ZNF521: variants seen among roughly 807,000 people sequenced by gnomAD.
The protein encoded by ZNF521 is LYST-interacting protein 3.
In ZNF521, 14 loss-of-function variants were observed where a neutral mutation model predicts 105.5. The ratio of observed to expected loss-of-function variants is 0.13; its 90% CI spans 0.09 to 0.21. ZNF521 has a LOEUF of 0.21. ZNF521 is among the 10% of genes least tolerant of loss of function. The pLI, the probability that ZNF521 is intolerant of heterozygous loss-of-function variation, is 1.00. For missense variants in ZNF521, 1,233 were observed against 1,629.7 expected (o/e 0.76, Z 4.19); for synonymous variants, 635 against 606.0 (o/e 1.05, Z -0.70).
intron 3 of ZNF521, among the ~76,000 whole-genome samples, chr18:25,260,607 C>T (rs1191676830): frequency 1.3e-5 from 2 of 152,174 alleles, no homozygotes; most frequent in East Asian, 3.9e-4. Context: ...ATTACTATTG[C>T]TAGTAATAGT....
rs537380585 is a variant in ZNF521, at chr18:25,204,126, C to T, written c.3574-8882G>A. On this transcript the variant is annotated intron_variant, in intron 4 of 7. Coordinates refer to ENST00000361524, the MANE Select transcript of ZNF521 (RefSeq NM_015461.3). ...TGGAGCAGGTGGTAGCACTGCAGAA[C>T]TGTGAGCCAATTAAGCCACTTTTCT... is the stretch of plus-strand genomic sequence containing the variant. Among the ~76,000 whole-genome samples, 157 of 152,338 alleles carry T rather than the reference C, an allele frequency of 1.0e-3. 1 individual carries two copies. The highest frequency in any genetic ancestry group is 3.7e-3 in the African/African-American group (152 of 41,576).
At chr18:25,209,123 T>C (rs1250411466) in intron 4 of ZNF521, among the ~76,000 whole-genome samples, 1 of 152,108 alleles carries the variant, frequency 6.6e-6, no homozygotes, top group Non-Finnish European at 1.5e-5. Context: ...TTTTAAAATA[T>C]AAGTTTCTAT....
intron 7 of ZNF521, among the ~76,000 whole-genome samples, chr18:25,083,571 C>T (rs1318744740): frequency 2.6e-5 from 4 of 152,130 alleles, no homozygotes; most frequent in Non-Finnish European, 4.4e-5. Context: ...GGAGAAGAAA[C>T]ACCTTTTCTG....
At chr18:25,094,904 A>AT (rs770022833) in intron 5 of ZNF521, among the ~76,000 whole-genome samples, 32 of 151,356 alleles carry the variant, frequency 2.1e-4, no homozygotes, top group African/African-American at 5.1e-4. Context: ...TTCATTTTGT[A>AT]TTTTTTTTTA....
chr18:25,090,728 T>C (rs756901361), intron 6 of ZNF521, among the ~76,000 whole-genome samples: 3 of 152,182 alleles, frequency 2.0e-5, no homozygotes, highest in Non-Finnish European at 2.9e-5. Context: ...GGCTACAACA[T>C]GAAAGACCTA....
chr18:25,090,561 T>TA (rs1353107917), intron 6 of ZNF521, among the ~76,000 whole-genome samples: 2 of 152,220 alleles, frequency 1.3e-5, no homozygotes, highest in African/African-American at 4.8e-5. Flanking sequence ...TACTTCAAGA[T>TA]ACGCTAAAAC....
At chr18:25,308,491 C>T (rs189048552) in intron 3 of ZNF521, among the ~76,000 whole-genome samples, 13 of 152,216 alleles carry the variant, frequency 8.5e-5, no homozygotes, top group African/African-American at 2.9e-4. Flanking sequence ...AATTGCCCAG[C>T]AGATTCTATG....
chr18:25,187,295 G>A lies in ZNF521; in HGVS notation c.3658+7865C>T, dbSNP rs188885834. Among the ~76,000 whole-genome samples the A allele has an allele frequency of 1.9e-3, 294 of 152,214 alleles. 1 individual carries two copies. The highest frequency in any genetic ancestry group is 0.014 in the Middle Eastern group (4 of 294). On this transcript the variant is annotated intron_variant, in intron 5 of 7. Coordinates refer to ENST00000361524, the MANE Select transcript of ZNF521 (RefSeq NM_015461.3). ...CTCTGAGGAAGACTTACATTTTTAT[G>A]TCAGCGAAAACAAGGTGTCTGAATT...
rs1318099210 is a variant in ZNF521, at chr18:25,129,275, ATT to A, written c.3659-37196_3659-37195del. Among the ~76,000 whole-genome samples, 1,067 of 142,478 alleles carry A rather than the reference ATT, an allele frequency of 7.5e-3. 32 individuals carry two copies. Among genetic ancestry groups the A allele is most frequent in the Admixed American group, 0.061 (871 of 14,268 alleles). 93.5% of individuals were successfully genotyped at this position (142,478 alleles called of 152,430 possible). On this transcript the variant is annotated intron_variant, in intron 5 of 7. Transcript: ENST00000361524. ...AATAATAATAATAATAATTATTATT[ATT>A]ATTATTAATTAATCTGTGTCTAGAT...
At chr18:25,123,273 G>C (rs749671562) in intron 5 of ZNF521, among the ~76,000 whole-genome samples, 23 of 151,944 alleles carry the variant, frequency 1.5e-4, no homozygotes, top group Non-Finnish European at 3.1e-4. Context: ...TGTAAAGCAT[G>C]CTATATTTTT....
chr18:25,299,039 G>T (rs950472745), intron 3 of ZNF521, among the ~76,000 whole-genome samples: 1 of 152,130 alleles, frequency 6.6e-6, no homozygotes, highest in Non-Finnish European at 1.5e-5. Flanking sequence ...CACTTCCCAC[G>T]TGGAAATCCA....
At chr18:25,130,727 A>T (rs2034624883) in intron 5 of ZNF521, among the ~76,000 whole-genome samples, 1 of 152,090 alleles carries the variant, frequency 6.6e-6, no homozygotes. Flanking sequence ...ATGATTCCTT[A>T]AGGCTAGGAG....
At chr18:25,068,946 G>A (rs1272908768) in intron 7 of ZNF521, among the ~76,000 whole-genome samples, 2 of 152,086 alleles carry the variant, frequency 1.3e-5, no homozygotes, top group Non-Finnish European at 2.9e-5. Context: ...AAAACCCTCC[G>A]GGATCAGACT....
intron 5 of ZNF521, among the ~76,000 whole-genome samples, chr18:25,117,525 A>C (rs1452787297): frequency 6.6e-6 from 1 of 152,176 alleles, no homozygotes; most frequent in East Asian, 1.9e-4. Context: ...TAATGATATA[A>C]AGGAAAATAT....
intron 5 of ZNF521, among the ~76,000 whole-genome samples, chr18:25,157,230 A>T (rs1265805961): frequency 6.6e-6 from 1 of 151,978 alleles, no homozygotes. Flanking sequence ...CAAATAATCA[A>T]TCTCACTAAC....
chr18:25,134,008 A>C (rs1418503310), intron 5 of ZNF521, among the ~76,000 whole-genome samples: 2 of 152,152 alleles, frequency 1.3e-5, no homozygotes, highest in African/African-American at 2.4e-5. Context: ...CCACAGAGTA[A>C]TGACATTTAA....
chr18:25,133,230 T>C (rs746945446), intron 5 of ZNF521, among the ~76,000 whole-genome samples: 5 of 152,200 alleles, frequency 3.3e-5, no homozygotes, highest in Non-Finnish European at 5.9e-5. Context: ...GATGAATGTA[T>C]TAACATGGCC....
At chr18:25,322,306 C>A (rs947491904) in intron 2 of ZNF521, 119 bp from the exon 3 acceptor site, 1 of 965,308 alleles carries the variant, frequency 1.0e-6, no homozygotes, top group African/African-American at 1.6e-5. Context: ...AATAGGAGGG[C>A]TTCATTGCAG....
intron 7 of ZNF521, among the ~76,000 whole-genome samples, chr18:25,079,993 A>G (rs187874545): frequency 6.6e-6 from 1 of 152,334 alleles, no homozygotes; most frequent in East Asian, 1.9e-4. Context: ...GGCAATGTGA[A>G]AAAGGAAGTC....
Sources: gnomAD v4.1 joint callset for allele counts (sites outside exome capture counted in the v4.1 genomes callset) on GRCh38, gnomAD v4.1.1 for gene constraint, MANE v1.5 for transcripts, NCBI Gene and HGNC (gene_info 2026-07-23, HGNC 2026-07-21) for gene names.